The following NRIP1 variants were observed in gnomAD, a reference collection of about 807,000 sequenced individuals.
NRIP1 encodes nuclear receptor interacting protein 1.
NRIP1 carries 28 observed loss-of-function variants against 75.0 expected under a neutral mutation model. The ratio of observed to expected loss-of-function variants is 0.37; its 90% CI spans 0.28 to 0.51. The LOEUF (loss-of-function observed/expected upper bound fraction) is 0.51. NRIP1 is among the 20% of genes least tolerant of loss of function. The probability of loss-of-function intolerance (pLI) is 0.92; values close to 1 mark genes in which losing one functional copy is unlikely to be tolerated. For missense variants in NRIP1, 1,435 were observed against 1,343.7 expected, an observed-to-expected ratio of 1.07 and a Z score of -1.06; for synonymous variants, 526 against 487.6, an observed-to-expected ratio of 1.08 and a Z score of -1.04.
Position 14,965,779 on chromosome 21 carries a change from G to A in NRIP1, c.2414C>T (p.Pro805Leu), listed in dbSNP as rs1342424823. 4.3e-6 allele frequency: 7 copies of A among 1,613,900 alleles called. No homozygotes were observed. Among genetic ancestry groups the A allele is most frequent in the Non-Finnish European group, 5.9e-6 (7 of 1,179,976 alleles). ...GAAAGAAAAATCCTGAGGTGAAACA[G>A]GCTCCGATTTAAAGTCTTCGGACAC... ...LPVSEDFKSE[P>L]VSPQDFSFSK... Residue 805 changes from proline (P) to leucine (L), a missense_variant, in exon 4 of 4, where the codon CCT (proline) becomes CTT (leucine). By Grantham distance (98) the Pro-to-Leu change is moderately conservative. Coordinates refer to ENST00000318948, the MANE Select transcript of NRIP1 (RefSeq NM_003489.4).
intron 3 of NRIP1, among the ~76,000 whole-genome samples, chr21:15,012,836 T>C (rs1364530278): frequency 6.6e-6 from 1 of 152,208 alleles, no homozygotes; most frequent in Non-Finnish European, 1.5e-5. Context: ...ACCAGATGGC[T>C]ACCTATAATT....
chr21:15,039,156 G>A (rs925221775), intron 2 of NRIP1, among the ~76,000 whole-genome samples: 1 of 152,056 alleles, frequency 6.6e-6, no homozygotes, highest in African/African-American at 2.4e-5. Flanking sequence ...CAAGTGAGGT[G>A]AAGGCTTTTA....
At chr21:15,061,729 G>A (rs888377391) in intron 1 of NRIP1, among the ~76,000 whole-genome samples, 1 of 152,116 alleles carries the variant, frequency 6.6e-6, no homozygotes, top group South Asian at 2.1e-4. Flanking sequence ...GAGCTTTTGA[G>A]TTTCTTACAT....
chr21:15,010,765 C>T (rs1466699318), intron 3 of NRIP1, among the ~76,000 whole-genome samples: 3 of 152,244 alleles, frequency 2.0e-5, no homozygotes, highest in Non-Finnish European at 4.4e-5. Flanking sequence ...AACAGGCCTG[C>T]CAGCACAAGA....
chr21:15,033,994 C>A (rs1215881596), intron 2 of NRIP1, among the ~76,000 whole-genome samples: 1 of 152,208 alleles, frequency 6.6e-6, no homozygotes, highest in Non-Finnish European at 1.5e-5. Flanking sequence ...CAAGTCCTTG[C>A]TGGACCCCAC....
chr21:15,008,721 A>G (rs546072532), intron 3 of NRIP1, among the ~76,000 whole-genome samples: 7 of 152,362 alleles, frequency 4.6e-5, no homozygotes, highest in Admixed American at 2.6e-4. Context: ...TCGCAATTAG[A>G]CAAGTGAATT....
chr21:15,040,204 A>G (rs1433047341), intron 2 of NRIP1, among the ~76,000 whole-genome samples: 1 of 152,086 alleles, frequency 6.6e-6, no homozygotes, highest in African/African-American at 2.4e-5. Flanking sequence ...ACAGATTTAC[A>G]TTATTTTTCA....
At chr21:15,035,516 G>T (rs1483830646) in intron 2 of NRIP1, among the ~76,000 whole-genome samples, 1 of 150,580 alleles carries the variant, frequency 6.6e-6, no homozygotes, top group Non-Finnish European at 1.5e-5. Context: ...TAAGAAAATA[G>T]CTTTCTGTGG....
At chr21:15,046,929 T>C (rs2089092408) in intron 1 of NRIP1, among the ~76,000 whole-genome samples, 1 of 152,190 alleles carries the variant, frequency 6.6e-6, no homozygotes, top group Non-Finnish European at 1.5e-5. Flanking sequence ...TTTGTGGAAT[T>C]AGAGTGAGGC....
Position 14,966,696 on chromosome 21 carries a change from T to G in NRIP1, c.1497A>C (p.Thr499=), listed in dbSNP as rs570318895. 1 of 1,614,104 alleles carries G rather than the reference T, an allele frequency of 6.2e-7. No homozygotes were observed. The highest frequency in any genetic ancestry group is 2.2e-5 in the East Asian group (1 of 44,880). ...TATGGCCAAGTAGCAATTGAAGAAG[T>G]GTTACTTTCTGGTGTGAGTTTAGCT... is the stretch of plus-strand genomic sequence containing the variant. The part of the protein sequence containing the change: ...NSKLNSHQKV[T]LLQLLLGHKN... The change falls in exon 4 of 4, where the codon ACA becomes ACC. Residue 499 remains threonine (T), a synonymous_variant. Coordinates refer to ENST00000318948, the MANE Select transcript of NRIP1 (RefSeq NM_003489.4).
chr21:14,989,218 T>C (rs1484308564), intron 3 of NRIP1, among the ~76,000 whole-genome samples: 1 of 152,200 alleles, frequency 6.6e-6, no homozygotes, highest in Non-Finnish European at 1.5e-5. Context: ...TTTCCTATGG[T>C]GCCTTTACCT....
At chr21:15,028,102 TTGAG>T (rs1197930268) in intron 2 of NRIP1, among the ~76,000 whole-genome samples, 2 of 152,228 alleles carry the variant, frequency 1.3e-5, no homozygotes, top group Non-Finnish European at 2.9e-5. Context: ...CAAATACTTC[TTGAG>T]TATCTAGCAT....
chr21:15,015,252 A>G (rs1013147632), intron 2 of NRIP1, among the ~76,000 whole-genome samples: 10 of 152,182 alleles, frequency 6.6e-5, no homozygotes, highest in African/African-American at 2.4e-4. Flanking sequence ...TAGATCAGTG[A>G]GGTTGCCTGG....
Position 14,966,004 on chromosome 21 carries a change from TTC to T in NRIP1, c.2187_2188del (p.Lys730AsnfsTer6), listed in dbSNP as rs1178348583. 6.2e-7 allele frequency: 1 copy of T among 1,611,790 alleles called. No homozygotes were observed. The highest frequency in any genetic ancestry group is 8.5e-7 in the Non-Finnish European group (1 of 1,179,450). On this transcript the variant is annotated frameshift_variant, in exon 4 of 4. Transcript: ENST00000318948. LOFTEE classifies it high-confidence loss of function. Reference sequence around the variant, plus strand: ...AGTACTTTCATCTCTTAAGGGAGTTTTCTCTTTTTTTTCACTCTTCCCTTTGT... The same window carrying T: ...AGTACTTTCATCTCTTAAGGGAGTTTTCTTTTTTTTCACTCTTCCCTTTGT...
At chr21:15,065,193 G>T (rs1394944499), upstream of NRIP1, among the ~76,000 whole-genome samples, 1 of 152,052 alleles carries the variant, frequency 6.6e-6, no homozygotes, top group Admixed American at 6.5e-5. Flanking sequence ...GCGGATCCGG[G>T]CGGCTCACAG....
rs531164763 is a variant in NRIP1, at chr21:14,998,737, CCTTA to C, written c.-335+15603_-335+15606del. Among the ~76,000 whole-genome samples, 351 of 152,286 alleles carry C rather than the reference CCTTA, an allele frequency of 2.3e-3. 1 individual carries two copies. Among genetic ancestry groups the C allele is most frequent in the Non-Finnish European group, 9.4e-4 (64 of 68,022 alleles). ...GCAAAGAGTGAATATATTTTCTCTT[CCTTA>C]TAGTTTTCTTCAGACATCTTTCCTC... On this transcript the variant is annotated intron_variant, in intron 3 of 3. Transcript: ENST00000318948.
chr21:15,064,103 T>C (rs1411196047), intron 1 of NRIP1, among the ~76,000 whole-genome samples: 3 of 152,208 alleles, frequency 2.0e-5, no homozygotes, highest in Non-Finnish European at 4.4e-5. Context: ...AAAGGCAGCC[T>C]CCCGGACTTC....
intron 3 of NRIP1, among the ~76,000 whole-genome samples, chr21:14,997,879 G>A (rs895590129): frequency 2.0e-5 from 3 of 152,048 alleles, no homozygotes; most frequent in Non-Finnish European, 4.4e-5. Context: ...GTAAAGAGGT[G>A]AAATAATTTG....
intron 1 of NRIP1, among the ~76,000 whole-genome samples, chr21:15,056,538 G>A (rs528753683): frequency 2.5e-4 from 38 of 152,188 alleles, no homozygotes; most frequent in African/African-American, 8.2e-4. Context: ...ATCAGTTAAG[G>A]AAATAATATA....
Sources: allele counts gnomAD v4.1 joint callset (sites outside exome capture counted in the v4.1 genomes callset), GRCh38; gene constraint gnomAD v4.1.1; transcripts MANE v1.5; gene names NCBI Gene and HGNC (gene_info 2026-07-23, HGNC 2026-07-21).